MAGI2: variants seen among roughly 807,000 people sequenced by gnomAD.
The protein encoded by MAGI2 is membrane associated guanylate kinase, WW and PDZ domain containing 2.
In MAGI2, 35 loss-of-function variants were observed where a neutral mutation model predicts 133.3. The ratio of observed to expected loss-of-function variants is 0.26; its 90% CI spans 0.20 to 0.35. The LOEUF is 0.35. MAGI2 is among the 10% of genes least tolerant of loss of function. MAGI2 has a pLI of 1.00. For synonymous variants in MAGI2, 729 were observed against 710.6 expected, an observed-to-expected ratio of 1.03 and a Z score of -0.41; for missense variants, 1,636 against 1,863.4, an observed-to-expected ratio of 0.88 and a Z score of 2.25.
intron 20 of MAGI2, among the ~76,000 whole-genome samples, chr7:78,119,339 T>C (rs895496813): frequency 2.6e-5 from 4 of 151,970 alleles, no homozygotes; most frequent in African/African-American, 9.7e-5. Context: ...GGCAGGCAGA[T>C]CATGAGGTCA....
chr7:78,628,714 T>C (rs903011368), intron 2 of MAGI2, among the ~76,000 whole-genome samples: 11 of 150,666 alleles, frequency 7.3e-5, no homozygotes, highest in Non-Finnish European at 1.0e-4. Flanking sequence ...TTTAGCTGAG[T>C]CACATTTTGC....
At chr7:78,678,838 T>C (rs574802525) in intron 2 of MAGI2, among the ~76,000 whole-genome samples, 5 of 152,098 alleles carry the variant, frequency 3.3e-5, no homozygotes, top group Non-Finnish European at 7.4e-5. Context: ...CATTGTCTCT[T>C]GTTTTATTTT....
chr7:78,513,826 C>T lies in MAGI2; in HGVS notation c.754+7604G>A, dbSNP rs1461272242. Reference sequence around the variant, plus strand: ...GAAGAGGGCCGGGTGCGGTGGCTCACGTCTGTAATCCCAGCACTTTGGGAG... The same window carrying T: ...GAAGAGGGCCGGGTGCGGTGGCTCATGTCTGTAATCCCAGCACTTTGGGAG... On this transcript the variant is annotated intron_variant, in intron 4 of 21. Transcript: ENST00000354212. Among the ~76,000 whole-genome samples the T allele has an allele frequency of 5.3e-5, 8 of 152,152 alleles. No individual in the cohort carries two copies. In the East Asian group the frequency reaches 9.7e-4, roughly 18 times the overall value.
chr7:78,641,728 G>T (rs560215988), intron 2 of MAGI2, among the ~76,000 whole-genome samples: 1 of 152,074 alleles, frequency 6.6e-6, no homozygotes, highest in Non-Finnish European at 1.5e-5. Context: ...AACCAACCAG[G>T]TAGCTTTCTA....
At chr7:78,913,973 G>A (rs1798603169) in intron 2 of MAGI2, among the ~76,000 whole-genome samples, 2 of 152,254 alleles carry the variant, frequency 1.3e-5, no homozygotes, top group South Asian at 4.2e-4. Flanking sequence ...GTGTATTCAA[G>A]GTGACATGAA....
intron 6 of MAGI2, among the ~76,000 whole-genome samples, chr7:78,481,645 C>T (rs758732109): frequency 6.6e-6 from 1 of 151,624 alleles, no homozygotes; most frequent in African/African-American, 2.4e-5. Context: ...GGTGCACACA[C>T]AATTCCATGG....
intron 9 of MAGI2, among the ~76,000 whole-genome samples, chr7:78,270,219 T>C (rs533049944): frequency 1.1e-4 from 17 of 152,312 alleles, no homozygotes; most frequent in African/African-American, 3.4e-4. Flanking sequence ...AGTTTTGTTC[T>C]TTTTGCTTAG....
chr7:79,343,202 T>C (rs1841039413), intron 1 of MAGI2: 1 of 152,182 alleles, frequency 6.6e-6, no homozygotes, highest in South Asian at 2.1e-4. Context: ...GTCTAAGTAA[T>C]AAACATATTC....
chr7:78,722,883 T>C (rs17151383), intron 2 of MAGI2, among the ~76,000 whole-genome samples: 5,976 of 152,162 alleles, frequency 0.039, 219 homozygotes, highest in East Asian at 0.19. Flanking sequence ...TCAGAAGTCA[T>C]AGCCCTCCTA....
At chr7:78,639,877 CA>C (rs2150985572) in intron 2 of MAGI2, among the ~76,000 whole-genome samples, 1 of 152,210 alleles carries the variant, frequency 6.6e-6, no homozygotes, top group South Asian at 2.1e-4. Context: ...TTGTTCAAAT[CA>C]AATAATCAGC....
At chr7:78,672,967 G>A (rs368716566) in intron 2 of MAGI2, among the ~76,000 whole-genome samples, 2 of 152,256 alleles carry the variant, frequency 1.3e-5, no homozygotes, top group Admixed American at 6.5e-5. Flanking sequence ...GCCTATAAAA[G>A]TTTGGAATAA....
chr7:78,659,447 AAAAAG>A (rs1812684019), intron 2 of MAGI2, among the ~76,000 whole-genome samples: 2 of 149,982 alleles, frequency 1.3e-5, no homozygotes, highest in Non-Finnish European at 3.0e-5. Flanking sequence ...AAAAAAAAAA[AAAAAG>A]CAAAACAAAA....
intron 1 of MAGI2, among the ~76,000 whole-genome samples, chr7:79,319,252 A>G (rs1838988270): frequency 6.6e-6 from 1 of 152,198 alleles, no homozygotes; most frequent in Non-Finnish European, 1.5e-5. Flanking sequence ...GAAAGAGGAC[A>G]CTAACACATA....
intron 1 of MAGI2, among the ~76,000 whole-genome samples, chr7:79,192,046 T>C (rs1487768796): frequency 6.6e-6 from 1 of 151,824 alleles, no homozygotes; most frequent in African/African-American, 2.4e-5. Flanking sequence ...CATAGAAATA[T>C]ATCTTTGTAA....
chr7:78,580,948 C>G (rs1480022327), intron 3 of MAGI2, among the ~76,000 whole-genome samples: 1 of 152,160 alleles, frequency 6.6e-6, no homozygotes, highest in Non-Finnish European at 1.5e-5. Flanking sequence ...GACGACAGAT[C>G]TAATTTCAAT....
intron 2 of MAGI2, among the ~76,000 whole-genome samples, chr7:78,907,967 A>T (rs894813913): frequency 6.6e-6 from 1 of 152,242 alleles, no homozygotes; most frequent in South Asian, 2.1e-4. Flanking sequence ...AGAAGGGAAT[A>T]TTGGAGTTAC....
chr7:79,021,489 A>T (rs768217564), intron 1 of MAGI2, among the ~76,000 whole-genome samples: 3 of 152,234 alleles, frequency 2.0e-5, no homozygotes, highest in Admixed American at 2.0e-4. Flanking sequence ...TGAGACATGG[A>T]TTCAAAGCAG....
At chr7:78,198,450 GA>G (rs1828934687) in intron 11 of MAGI2, among the ~76,000 whole-genome samples, 1 of 55,454 alleles carries the variant, frequency 1.8e-5, no homozygotes, top group African/African-American at 8.2e-5. Flanking sequence ...TTTTTTTTTC[GA>G]GACATGGTCT....
intron 9 of MAGI2, among the ~76,000 whole-genome samples, chr7:78,303,557 T>G (rs1273822160): frequency 6.6e-6 from 1 of 152,040 alleles, no homozygotes; most frequent in East Asian, 1.9e-4. Flanking sequence ...TTTAACAACC[T>G]TTTTCTCCAA....
Sources: gnomAD v4.1 joint callset for allele counts (sites outside exome capture counted in the v4.1 genomes callset) on GRCh38, gnomAD v4.1.1 for gene constraint, MANE v1.5 for transcripts, NCBI Gene and HGNC (gene_info 2026-07-23, HGNC 2026-07-21) for gene names.